The following SYT1 variants were observed in gnomAD, a reference collection of about 807,000 sequenced individuals.
The protein encoded by SYT1 is synaptotagmin-1.
A neutral mutation model predicts 44.8 loss-of-function variants in SYT1; 8 were observed. The observed-to-expected ratio is 0.18, with a 90% CI of 0.10 to 0.32. SYT1 has a LOEUF of 0.32. Ranked by LOEUF, SYT1 falls within the 10% of genes least tolerant of loss-of-function variation. The pLI is 1.00. For synonymous variants in SYT1, 154 were observed against 188.8 expected, an observed-to-expected ratio of 0.82 and a Z score of 1.51; for missense variants, 286 against 509.3, an observed-to-expected ratio of 0.56 and a Z score of 4.22.
intron 2 of SYT1, among the ~76,000 whole-genome samples, chr12:78,982,823 A>G (rs570028302): frequency 4.5e-4 from 69 of 152,094 alleles, no homozygotes; most frequent in Non-Finnish European, 9.7e-4. Flanking sequence ...ATCTATTTTT[A>G]TCTCCTACAC....
intron 3 of SYT1, among the ~76,000 whole-genome samples, chr12:79,156,579 T>C (rs1450795061): frequency 6.6e-6 from 1 of 151,978 alleles, no homozygotes; most frequent in Non-Finnish European, 1.5e-5. Flanking sequence ...GCAATTCTCC[T>C]GCCTCAGCTT....
intron 3 of SYT1, among the ~76,000 whole-genome samples, chr12:79,189,552 A>G (rs1320475630): frequency 4.6e-5 from 7 of 152,168 alleles, no homozygotes; most frequent in African/African-American, 1.2e-4. Context: ...GTATATTTCA[A>G]TTATTCCTCT....
At chr12:79,170,863 T>C (rs1871476251) in intron 3 of SYT1, among the ~76,000 whole-genome samples, 2 of 151,860 alleles carry the variant, frequency 1.3e-5, no homozygotes, top group Admixed American at 6.6e-5. Flanking sequence ...ATCTATTTTA[T>C]GTTGATTTTA....
intron 4 of SYT1, among the ~76,000 whole-genome samples, chr12:79,250,160 G>A (rs897037055): frequency 6.6e-6 from 1 of 152,092 alleles, no homozygotes; most frequent in Non-Finnish European, 1.5e-5. Context: ...TCTAAAAGTG[G>A]TTGACAAAAA....
chr12:79,205,936 TCTC>T (rs1299716446), intron 3 of SYT1, among the ~76,000 whole-genome samples: 2 of 152,158 alleles, frequency 1.3e-5, no homozygotes, highest in Non-Finnish European at 2.9e-5. Context: ...ACTCATATTT[TCTC>T]CTCATTCTTT....
intron 4 of SYT1, among the ~76,000 whole-genome samples, chr12:79,282,477 A>G (rs1879101209): frequency 6.6e-6 from 1 of 152,180 alleles, no homozygotes; most frequent in Non-Finnish European, 1.5e-5. Flanking sequence ...GAATGTTAAA[A>G]TTGTTATTAT....
intron 2 of SYT1, among the ~76,000 whole-genome samples, chr12:79,003,356 C>G (rs1332464393): frequency 1.3e-5 from 2 of 151,970 alleles, no homozygotes; most frequent in South Asian, 2.1e-4. Context: ...CTTCACTCTT[C>G]TAGTGTACCT....
At chr12:79,048,533 C>G (rs561186851) in intron 3 of SYT1, among the ~76,000 whole-genome samples, 1 of 152,024 alleles carries the variant, frequency 6.6e-6, no homozygotes, top group South Asian at 2.1e-4. Context: ...TATGTTACAA[C>G]TTCACACAAA....
intron 1 of SYT1, among the ~76,000 whole-genome samples, chr12:78,938,672 T>G (rs532163566): frequency 1.3e-5 from 2 of 152,322 alleles, no homozygotes; most frequent in East Asian, 3.9e-4. Context: ...GTCCTGTGAC[T>G]CATCATTCAT....
At chr12:78,977,270 T>C (rs1868914725) in intron 1 of SYT1, among the ~76,000 whole-genome samples, 1 of 152,168 alleles carries the variant, frequency 6.6e-6, no homozygotes, top group South Asian at 2.1e-4. Flanking sequence ...CTTTCCTTTT[T>C]ATTAGCACTG....
At chr12:79,359,966 A>G (rs1223634202) in intron 9 of SYT1, among the ~76,000 whole-genome samples, 1 of 152,172 alleles carries the variant, frequency 6.6e-6, no homozygotes, top group Non-Finnish European at 1.5e-5. Flanking sequence ...AAAATCACCT[A>G]GGGTACTTAT....
At chr12:79,117,702 T>A (rs1450804284) in intron 3 of SYT1, among the ~76,000 whole-genome samples, 45 of 99,978 alleles carry the variant, frequency 4.5e-4, no homozygotes, top group African/African-American at 1.6e-3. Context: ...TATATATATA[T>A]ATATATATAT....
At chr12:79,112,038 A>C (rs990193445) in intron 3 of SYT1, among the ~76,000 whole-genome samples, 3 of 151,972 alleles carry the variant, frequency 2.0e-5, no homozygotes, top group African/African-American at 7.2e-5. Context: ...AAAAAAAAAA[A>C]ACACAAAGAA....
At position 78,891,918 on chromosome 12, in the gene SYT1, G is replaced by C. The variant is rs150198803; in HGVS notation, c.-217+26809G>C. On this transcript the variant is annotated intron_variant, in intron 1 of 10. Coordinates refer to ENST00000261205, the MANE Select transcript of SYT1 (RefSeq NM_005639.3). ...GCTAGCACTGATAAGCTCAAGTGCT[G>C]AGAATTGTTCAAATAAATTCTATGT... Among the ~76,000 whole-genome samples, 192 of 152,006 alleles carry C rather than the reference G, an allele frequency of 1.3e-3. 1 individual carries two copies. The highest frequency in any genetic ancestry group is 4.3e-3 in the African/African-American group (177 of 41,550).
At position 79,007,869 on chromosome 12, in the gene SYT1, G is replaced by A. The variant is rs118170710; in HGVS notation, c.-84+29938G>A. Among the ~76,000 whole-genome samples the A allele has an allele frequency of 3.4e-3, 518 of 152,174 alleles. 1 individual carries two copies. Among genetic ancestry groups the A allele is most frequent in the Middle Eastern group, 6.8e-3 (2 of 294 alleles). On this transcript the variant is annotated intron_variant, in intron 2 of 10. Transcript: ENST00000261205. ...GATAGGAAATGCATGTGGATAAAAA[G>A]TATGAGTAATGGCCCCCTTCAGTCA...
At chr12:78,947,586 T>C (rs1281737524) in intron 1 of SYT1, among the ~76,000 whole-genome samples, 2 of 151,846 alleles carry the variant, frequency 1.3e-5, no homozygotes, top group Non-Finnish European at 2.9e-5. Context: ...TTAAAATATG[T>C]ACTAAATTGG....
chr12:79,144,530 C>T (rs745675663), intron 3 of SYT1, among the ~76,000 whole-genome samples: 10 of 152,176 alleles, frequency 6.6e-5, no homozygotes, highest in Non-Finnish European at 1.3e-4. Context: ...ATCCATGGCC[C>T]AGGATGTACA....
intron 3 of SYT1, among the ~76,000 whole-genome samples, chr12:79,204,999 T>C (rs1279793004): frequency 2.1e-5 from 3 of 140,394 alleles, no homozygotes; most frequent in African/African-American, 8.1e-5. Context: ...GAGTCTCTCT[T>C]TGTCGCCCAG....
intron 4 of SYT1, among the ~76,000 whole-genome samples, chr12:79,226,408 C>G (rs1280340961): frequency 2.0e-5 from 3 of 152,136 alleles, no homozygotes; most frequent in Non-Finnish European, 4.4e-5. Flanking sequence ...GTAATCTCAT[C>G]TTTTTCCTTC....
Sources: gnomAD v4.1 joint callset for allele counts (sites outside exome capture counted in the v4.1 genomes callset) on GRCh38, gnomAD v4.1.1 for gene constraint, MANE v1.5 for transcripts, NCBI Gene and HGNC (gene_info 2026-07-23, HGNC 2026-07-21) for gene names.